The following IQCM variants were observed in gnomAD, a reference collection of about 807,000 sequenced individuals.
The protein encoded by IQCM is IQ motif containing M.
Under a neutral mutation model 57.6 loss-of-function variants are expected in IQCM, and 45 were observed. That is an observed-to-expected ratio of 0.78 (90% confidence interval 0.62 to 1.00). IQCM has a LOEUF of 1.00. IQCM is among the 50% of genes least tolerant of loss of function. The probability of loss-of-function intolerance (pLI) is 0.00; values close to 1 mark genes in which losing one functional copy is unlikely to be tolerated. For synonymous variants in IQCM, 148 were observed against 158.9 expected (o/e 0.93, Z 0.51); for missense variants, 468 against 511.6 (o/e 0.91, Z 0.82).
At chr4:149,810,055 A>G (rs1490425353) in intron 2 of IQCM, among the ~76,000 whole-genome samples, 2 of 152,090 alleles carry the variant, frequency 1.3e-5, no homozygotes, top group Non-Finnish European at 2.9e-5. Flanking sequence ...CCTCGGTCAT[A>G]GATCAGCTGC....
chr4:149,526,112 T>A (rs1233425968), intron 12 of IQCM, among the ~76,000 whole-genome samples: 3 of 151,968 alleles, frequency 2.0e-5, no homozygotes, highest in South Asian at 2.1e-4. Flanking sequence ...GAATTGATAA[T>A]CATTCTGGAG....
intron 7 of IQCM, among the ~76,000 whole-genome samples, chr4:149,671,019 T>C (rs1761225313): frequency 6.6e-6 from 1 of 151,938 alleles, no homozygotes; most frequent in South Asian, 2.1e-4. Context: ...CTAAGGAGGA[T>C]TCCCTCTTTT....
chr4:149,689,086 A>G (rs1328761086), intron 5 of IQCM, among the ~76,000 whole-genome samples: 1 of 151,806 alleles, frequency 6.6e-6, no homozygotes, highest in East Asian at 1.9e-4. Context: ...TGCAATAAAA[A>G]CAAAGATAAG....
At chr4:149,623,240 C>T (rs1392926014) in intron 7 of IQCM, among the ~76,000 whole-genome samples, 1 of 152,188 alleles carries the variant, frequency 6.6e-6, no homozygotes, top group Non-Finnish European at 1.5e-5. Flanking sequence ...TTAAATCTTA[C>T]AGGCAAAGAG....
rs147093062 is a variant in IQCM, at chr4:149,485,917, A to G, written c.1229-52360T>C. The stretch of plus-strand genomic sequence containing the variant: ...GCTGTGATTTTTGCATACTCATAGA[A>G]GTATCACCTTGGTGGACTTGGATAA... On this transcript the variant is annotated intron_variant, in intron 12 of 13. Transcript: ENST00000636793. Among the ~76,000 whole-genome samples, 30 of 152,164 alleles carry G rather than the reference A, an allele frequency of 2.0e-4. No individual in the cohort carries two copies. The East Asian group carries it at 5.4e-3, about 28-fold the overall frequency.
Position 149,351,871 on chromosome 4 carries a change from GAA to G in IQCM, c.*78_*79del. ...TTTATCCTTTCTTCCTACTCATACA[GAA>G]TTGATCCACCTCCAGTGTTAACTTG... On this transcript the variant is annotated 3_prime_UTR_variant, in exon 14 of 14. Transcript: ENST00000636793. 2.5e-6 allele frequency: 1 copy of G among 397,272 alleles called. No individual in the cohort carries two copies. Among genetic ancestry groups the G allele is most frequent in the Non-Finnish European group, 4.4e-6 (1 of 225,396 alleles). 24.6% of individuals were successfully genotyped at this position (397,272 alleles called of 1,614,324 possible).
chr4:149,800,170 T>A (rs1460153006), intron 2 of IQCM, among the ~76,000 whole-genome samples: 2 of 151,910 alleles, frequency 1.3e-5, no homozygotes. Context: ...AATGTATCCC[T>A]GGGATGCATA....
intron 8 of IQCM, among the ~76,000 whole-genome samples, chr4:149,611,750 G>A (rs997892077): frequency 3.8e-4 from 57 of 151,734 alleles, no homozygotes; most frequent in African/African-American, 1.3e-3. Flanking sequence ...TTAGACAGAC[G>A]GAATAAGATC....
At chr4:149,461,222 A>T (rs969560888) in intron 12 of IQCM, among the ~76,000 whole-genome samples, 1 of 148,210 alleles carries the variant, frequency 6.7e-6, no homozygotes, top group African/African-American at 2.5e-5. Flanking sequence ...AACAAGAGCA[A>T]AACTCCATCT....
chr4:149,476,579 A>C (rs1740218736), intron 12 of IQCM, among the ~76,000 whole-genome samples: 1 of 152,162 alleles, frequency 6.6e-6, no homozygotes, highest in African/African-American at 2.4e-5. Flanking sequence ...AAGTAATAGA[A>C]GTTTGTATTA....
chr4:149,734,385 G>A (rs1766738163), intron 4 of IQCM, among the ~76,000 whole-genome samples: 1 of 152,092 alleles, frequency 6.6e-6, no homozygotes, highest in South Asian at 2.1e-4. Flanking sequence ...GTTCCCACCA[G>A]TGAAATTAAT....
intron 12 of IQCM, among the ~76,000 whole-genome samples, chr4:149,480,040 G>A (rs1054797112): frequency 7.2e-5 from 11 of 152,092 alleles, no homozygotes; most frequent in Admixed American, 5.2e-4. Flanking sequence ...AATATTAAAG[G>A]ATGATCTTAT....
chr4:149,448,481 A>C (rs966835668), intron 12 of IQCM, among the ~76,000 whole-genome samples: 1 of 151,588 alleles, frequency 6.6e-6, no homozygotes, highest in Non-Finnish European at 1.5e-5. Context: ...GAAAATATAA[A>C]ATAAAGCAAA....
intron 10 of IQCM, among the ~76,000 whole-genome samples, chr4:149,555,058 A>AT (rs1388067133): frequency 6.6e-6 from 1 of 152,054 alleles, no homozygotes; most frequent in Non-Finnish European, 1.5e-5. Flanking sequence ...GTGAAATAAT[A>AT]TTTTTTGTTT....
At chr4:149,661,517 G>A (rs2150155371) in intron 7 of IQCM, among the ~76,000 whole-genome samples, 1 of 152,234 alleles carries the variant, frequency 6.6e-6, no homozygotes, top group East Asian at 1.9e-4. Context: ...AAGAGTTGAA[G>A]GAGCATTGGT....
At chr4:149,603,435 C>T (rs756916004) in intron 8 of IQCM, among the ~76,000 whole-genome samples, 5 of 152,046 alleles carry the variant, frequency 3.3e-5, no homozygotes, top group East Asian at 1.9e-4. Context: ...TTATAATTTC[C>T]TAACACAACA....
chr4:149,708,200 G>A (rs187378972), intron 5 of IQCM, among the ~76,000 whole-genome samples: 74 of 152,090 alleles, frequency 4.9e-4, no homozygotes, highest in African/African-American at 1.8e-3. Context: ...GCTGATCCCA[G>A]ATCTGCTACA....
intron 3 of IQCM, among the ~76,000 whole-genome samples, chr4:149,741,852 G>A (rs2080722827): frequency 6.6e-6 from 1 of 152,046 alleles, no homozygotes; most frequent in South Asian, 2.1e-4. Context: ...GTGAAGTAAT[G>A]GATATTATAA....
At chr4:149,432,047 A>C (rs1294194873) in intron 13 of IQCM, among the ~76,000 whole-genome samples, 1 of 151,398 alleles carries the variant, frequency 6.6e-6, no homozygotes, top group Non-Finnish European at 1.5e-5. Flanking sequence ...GTGTAAATAA[A>C]TGTTTTCTTT....
Sources: gnomAD v4.1 joint callset for allele counts (sites outside exome capture counted in the v4.1 genomes callset) on GRCh38, gnomAD v4.1.1 for gene constraint, MANE v1.5 for transcripts, NCBI Gene and HGNC (gene_info 2026-07-23, HGNC 2026-07-21) for gene names.